KAT6B: variants seen among roughly 807,000 people sequenced by gnomAD.
KAT6B encodes histone acetyltransferase KAT6B.
In KAT6B, 10 loss-of-function variants were observed where a neutral mutation model predicts 187.5. The observed-to-expected ratio is 0.05, with a 90% CI of 0.03 to 0.09. KAT6B has a LOEUF of 0.09. Ranked by LOEUF, KAT6B falls within the 10% of genes least tolerant of loss-of-function variation. KAT6B has a pLI of 1.00. For synonymous variants in KAT6B, 861 were observed against 926.8 expected, an observed-to-expected ratio of 0.93 and a Z score of 1.29; for missense variants, 1,952 against 2,558.9, an observed-to-expected ratio of 0.76 and a Z score of 5.12.
Position 74,985,016 on chromosome 10 carries a change from A to G in KAT6B, c.2374-64A>G. 2.1e-6 allele frequency: 3 copies of G among 1,441,368 alleles called. No individual in the cohort carries two copies. In the Middle Eastern group the frequency reaches 5.2e-4, roughly 249 times the overall value. The allele number at this position is 1,441,368 out of a possible 1,614,324, so 89.3% of individuals were successfully genotyped here. The stretch of plus-strand genomic sequence containing the variant: ...TGTACTTTCTGAAATACCATATAGA[A>G]GAAACAATTTTATATGGTGCAGTAT... On this transcript the variant is annotated intron_variant, in intron 11 of 17. Transcript: ENST00000287239.
intron 3 of KAT6B, among the ~76,000 whole-genome samples, chr10:74,888,207 C>A (rs893307773): frequency 6.6e-6 from 1 of 152,116 alleles, no homozygotes; most frequent in Non-Finnish European, 1.5e-5. Context: ...GAAAGTATTA[C>A]GTACATGTAA....
chr10:74,861,132 G>A (rs976559374), intron 3 of KAT6B, among the ~76,000 whole-genome samples: 3 of 149,686 alleles, frequency 2.0e-5, no homozygotes, highest in Non-Finnish European at 3.0e-5. Context: ...GTGAACCTCC[G>A]TCTCAAAAAA....
intron 3 of KAT6B, among the ~76,000 whole-genome samples, chr10:74,872,219 C>T (rs1318856054): frequency 2.0e-5 from 3 of 152,160 alleles, no homozygotes; most frequent in African/African-American, 7.2e-5. Context: ...ATTACATACT[C>T]ACAGAACCTG....
intron 3 of KAT6B, among the ~76,000 whole-genome samples, chr10:74,846,515 T>C (rs1842112025): frequency 6.6e-6 from 1 of 152,196 alleles, no homozygotes; most frequent in African/African-American, 2.4e-5. Flanking sequence ...CTTGGCTCAC[T>C]GCAGCCTCTG....
rs1187410815 is a variant in KAT6B at position 75,032,615 on chromosome 10, TG to T, written c.*1570del. 2 of 172,552 alleles carry T rather than the reference TG, an allele frequency of 1.2e-5. No homozygotes were observed. Among genetic ancestry groups the T allele is most frequent in the Admixed American group, 1.3e-4 (2 of 15,712 alleles). The allele number at this position is 172,552 out of a possible 1,614,324, so 10.7% of individuals were successfully genotyped here. ...CATTGTCTTTAAAATAAAGTGAAATTGTTTTTTTCTTTTGGACTTTGATCTT... is the reference window on the plus strand; with the variant it reads ...CATTGTCTTTAAAATAAAGTGAAATTTTTTTTTCTTTTGGACTTTGATCTT... On this transcript the variant is annotated 3_prime_UTR_variant, in exon 18 of 18. Coordinates refer to ENST00000287239, the MANE Select transcript of KAT6B (RefSeq NM_012330.4).
chr10:74,940,843 T>C (rs1849619432), intron 3 of KAT6B, among the ~76,000 whole-genome samples: 1 of 152,230 alleles, frequency 6.6e-6, no homozygotes, highest in African/African-American at 2.4e-5. Context: ...GTCGCCTCAC[T>C]GCTCTGTATT....
intron 2 of KAT6B, among the ~76,000 whole-genome samples, chr10:74,841,577 T>A (rs981316399): frequency 3.3e-5 from 5 of 151,358 alleles, no homozygotes; most frequent in Non-Finnish European, 5.9e-5. Context: ...AAAAAAAAAA[T>A]TAATAAAAAA....
chr10:74,861,012 C>G (rs1001037377), intron 3 of KAT6B, among the ~76,000 whole-genome samples: 1 of 152,152 alleles, frequency 6.6e-6, no homozygotes, highest in Non-Finnish European at 1.5e-5. Flanking sequence ...TGGCACATGC[C>G]TGTAATCCCA....
At chr10:74,949,722 G>T (rs1018455402) in intron 3 of KAT6B, among the ~76,000 whole-genome samples, 2 of 152,184 alleles carry the variant, frequency 1.3e-5, no homozygotes, top group African/African-American at 4.8e-5. Flanking sequence ...ATACTTCTGA[G>T]TCAGCCTTTG....
rs757791870 is a variant in KAT6B, at chr10:75,021,972, A to C, written c.3113A>C (p.Lys1038Thr). The change falls in exon 16 of 18, where the codon AAA (lysine) becomes ACA (threonine). Residue 1038 changes from lysine to threonine, a missense_variant. Coordinates refer to ENST00000287239, the MANE Select transcript of KAT6B (RefSeq NM_012330.4). The stretch of plus-strand genomic sequence containing the variant: ...GCTAACAGTAGGCAATCACCTGCAA[A>C]AGTACAATCGAAAAATAAATATTTG... ...TRANSRQSPAKVQSKNKYLHS... is the reference protein window; with the variant it reads ...TRANSRQSPATVQSKNKYLHS... 3 of 1,614,214 alleles carry C rather than the reference A, an allele frequency of 1.9e-6. No individual in the cohort carries two copies. The highest frequency in any genetic ancestry group is 2.5e-6 in the Non-Finnish European group (3 of 1,180,036).
chr10:74,971,157 C>G (rs1227610977), intron 6 of KAT6B, among the ~76,000 whole-genome samples: 3 of 152,134 alleles, frequency 2.0e-5, no homozygotes, highest in Non-Finnish European at 4.4e-5. Flanking sequence ...TTCCAACCCT[C>G]TATATAAATG....
chr10:74,853,985 G>A (rs1352437483), intron 3 of KAT6B, among the ~76,000 whole-genome samples: 2 of 152,070 alleles, frequency 1.3e-5, no homozygotes, highest in Non-Finnish European at 2.9e-5. Context: ...TTGACTTTTT[G>A]TTTTGTTTAT....
At chr10:74,892,280 A>C (rs1845691985) in intron 3 of KAT6B, among the ~76,000 whole-genome samples, 3 of 152,130 alleles carry the variant, frequency 2.0e-5, no homozygotes, top group African/African-American at 7.2e-5. Context: ...TGGTGGGAAG[A>C]TCCTTTGAGC....
At chr10:74,962,300 C>T (rs1321007633) in intron 4 of KAT6B, among the ~76,000 whole-genome samples, 1 of 152,064 alleles carries the variant, frequency 6.6e-6, no homozygotes, top group Non-Finnish European at 1.5e-5. Flanking sequence ...GGTTCTAAGG[C>T]TCTGTTTTGA....
chr10:74,863,403 A>G (rs866295008), intron 3 of KAT6B, among the ~76,000 whole-genome samples: 11 of 152,330 alleles, frequency 7.2e-5, no homozygotes, highest in Middle Eastern at 3.4e-3. Context: ...ATCTTCTGCT[A>G]TTACAAATAA....
intron 6 of KAT6B, among the ~76,000 whole-genome samples, chr10:74,971,270 C>T (rs1482978894): frequency 6.6e-6 from 1 of 152,136 alleles, no homozygotes; most frequent in East Asian, 1.9e-4. Flanking sequence ...AGAGGAGGAA[C>T]TGTTGGATCA....
chr10:74,825,870 G>C (rs1028555633), upstream of KAT6B, among the ~76,000 whole-genome samples: 8 of 150,764 alleles, frequency 5.3e-5, no homozygotes, highest in Admixed American at 1.3e-4. This position sits in a 1 kb window ranked among gnomAD's most constrained non-coding sequence, Gnocchi z 5.0. Flanking sequence ...GGGTGTGTTG[G>C]GGGGGGAAGG....
chr10:74,851,713 G>A (rs1422102315), intron 3 of KAT6B, among the ~76,000 whole-genome samples: 1 of 152,084 alleles, frequency 6.6e-6, no homozygotes, highest in Non-Finnish European at 1.5e-5. Context: ...GTGTGGTCTT[G>A]GCTTATTCAG....
At chr10:74,903,577 C>T (rs1357526507) in intron 3 of KAT6B, among the ~76,000 whole-genome samples, 1 of 152,214 alleles carries the variant, frequency 6.6e-6, no homozygotes, top group Non-Finnish European at 1.5e-5. Flanking sequence ...ATTATTCTAA[C>T]AACCTAAACG....
Sources: gnomAD v4.1 joint callset for allele counts (sites outside exome capture counted in the v4.1 genomes callset) on GRCh38, gnomAD v4.1.1 for gene constraint, Gnocchi (gnomAD v3.1) non-coding constraint, MANE v1.5 for transcripts, NCBI Gene and HGNC (gene_info 2026-07-23, HGNC 2026-07-21) for gene names.